SLC8A3: variants seen among roughly 807,000 people sequenced by gnomAD.
SLC8A3 encodes solute carrier family 8 member A3, also known as sodium/calcium exchanger 3.
SLC8A3 carries 37 observed loss-of-function variants against 65.4 expected under a neutral mutation model. The observed-to-expected ratio is 0.57, with a 90% CI of 0.44 to 0.74. The LOEUF (loss-of-function observed/expected upper bound fraction) is 0.74. SLC8A3 is among the 30% of genes least tolerant of loss of function. The probability of loss-of-function intolerance (pLI) is 0.00; values close to 1 mark genes in which losing one functional copy is unlikely to be tolerated. For synonymous variants in SLC8A3, 461 were observed against 444.5 expected (o/e 1.04, Z -0.47); for missense variants, 1,112 against 1,172.1 (o/e 0.95, Z 0.75).
At chr14:70,154,371 G>T (rs529897223) in intron 2 of SLC8A3, among the ~76,000 whole-genome samples, 2 of 152,314 alleles carry the variant, frequency 1.3e-5, no homozygotes, top group Admixed American at 1.3e-4. Context: ...AAGATTAAAA[G>T]TTGTCTTTCC....
At chr14:70,158,480 ATATTTGGAATATTAAGTTAC>A (rs1896706400) in intron 2 of SLC8A3, among the ~76,000 whole-genome samples, 1 of 152,198 alleles carries the variant, frequency 6.6e-6, no homozygotes, top group Non-Finnish European at 1.5e-5. Context: ...TTTTGCAGCC[ATATTTGGAATATTAAGTTAC>A]TATTTGGATG....
chr14:70,070,532 G>A (rs951201125), intron 2 of SLC8A3, among the ~76,000 whole-genome samples: 1 of 152,182 alleles, frequency 6.6e-6, no homozygotes, highest in African/African-American at 2.4e-5. Flanking sequence ...GGATCCAGAG[G>A]AGAGATGTCT....
intron 1 of SLC8A3, among the ~76,000 whole-genome samples, chr14:70,171,610 G>C (rs1897541774): frequency 6.6e-6 from 1 of 152,160 alleles, no homozygotes; most frequent in Non-Finnish European, 1.5e-5. Context: ...AGGCCAGCCT[G>C]ACCAACATGG....
At chr14:70,103,034 T>TA (rs1013911770) in intron 2 of SLC8A3, among the ~76,000 whole-genome samples, 1 of 151,918 alleles carries the variant, frequency 6.6e-6, no homozygotes, top group Admixed American at 6.6e-5. Context: ...TAACCACAGA[T>TA]AAAGAGAAAA....
At chr14:70,060,496 C>T (rs1476823897) in intron 3 of SLC8A3, among the ~76,000 whole-genome samples, 1 of 151,954 alleles carries the variant, frequency 6.6e-6, no homozygotes, top group Non-Finnish European at 1.5e-5. Context: ...AGTGCAGGGG[C>T]CCATGGCAAT....
At chr14:70,123,447 G>A (rs1894217841) in intron 2 of SLC8A3, among the ~76,000 whole-genome samples, 1 of 135,426 alleles carries the variant, frequency 7.4e-6, no homozygotes. Flanking sequence ...TTATTTTCCT[G>A]TCTATTTTTT....
chr14:70,095,618 A>C (rs1399046314), intron 2 of SLC8A3, among the ~76,000 whole-genome samples: 1 of 152,188 alleles, frequency 6.6e-6, no homozygotes, highest in Non-Finnish European at 1.5e-5. Flanking sequence ...TGGAATGTGG[A>C]GTTTTAAGGA....
At chr14:70,114,198 C>T (rs1287287532) in intron 2 of SLC8A3, among the ~76,000 whole-genome samples, 1 of 152,132 alleles carries the variant, frequency 6.6e-6, no homozygotes, top group Non-Finnish European at 1.5e-5. Flanking sequence ...CCTCTGCGGA[C>T]CACCTGACAT....
intron 2 of SLC8A3, among the ~76,000 whole-genome samples, chr14:70,120,620 C>G (rs904914545): frequency 1.3e-5 from 2 of 152,148 alleles, no homozygotes; most frequent in African/African-American, 4.8e-5. Flanking sequence ...GGAAGTGTAG[C>G]AGCCAGGGGG....
At chr14:70,088,865 G>C (rs1432105858) in intron 2 of SLC8A3, among the ~76,000 whole-genome samples, 1 of 152,140 alleles carries the variant, frequency 6.6e-6, no homozygotes, top group African/African-American at 2.4e-5. Flanking sequence ...TCAGGAACCA[G>C]ATCCTGTTCT....
intron 2 of SLC8A3, among the ~76,000 whole-genome samples, chr14:70,146,239 C>A (rs1003789690): frequency 6.6e-6 from 1 of 152,116 alleles, no homozygotes; most frequent in Non-Finnish European, 1.5e-5. Flanking sequence ...TGTGTAATGT[C>A]GACAATGCCA....
Position 70,180,956 on chromosome 14 carries a change from G to C in SLC8A3, c.-63+7423C>G, listed in dbSNP as rs1882699812. 2.0e-5 allele frequency among the ~76,000 whole-genome samples: 3 copies of C among 152,324 alleles called. No homozygotes were observed. The South Asian group carries it at 6.2e-4, about 32-fold the overall frequency. On this transcript the variant is annotated intron_variant, in intron 1 of 6. Coordinates refer to ENST00000356921, the MANE Select transcript of SLC8A3 (RefSeq NM_182932.3). The stretch of plus-strand genomic sequence containing the variant: ...ACTCAATGTGATAACAGATACACTA[G>C]AGGCTTCAAGTTACAGCTGGAAGGT...
chr14:70,053,688 C>T (rs956748744), intron 3 of SLC8A3, among the ~76,000 whole-genome samples: 10 of 152,372 alleles, frequency 6.6e-5, no homozygotes, highest in Admixed American at 2.0e-4. Flanking sequence ...GATCTACTTA[C>T]TGACCTGTCC....
intron 2 of SLC8A3, among the ~76,000 whole-genome samples, chr14:70,084,785 G>T (rs546606522): frequency 6.6e-6 from 1 of 152,284 alleles, no homozygotes; most frequent in Admixed American, 6.5e-5. Context: ...TCAGAAAACT[G>T]GATTTCAGGG....
At chr14:70,174,682 T>TG in intron 1 of SLC8A3, among the ~76,000 whole-genome samples, 3 of 132,072 alleles carry the variant, frequency 2.3e-5, no homozygotes, top group East Asian at 2.0e-4. Context: ...TTTTTTTTTT[T>TG]TTTTTTTTGC....
chr14:70,066,590 C>A (rs1442283218), intron 2 of SLC8A3, among the ~76,000 whole-genome samples: 1 of 152,152 alleles, frequency 6.6e-6, no homozygotes, highest in Non-Finnish European at 1.5e-5. Context: ...GCGGGTGGAT[C>A]GCTTGAGGTC....
chr14:70,164,695 G>A (rs1214227851), intron 2 of SLC8A3, among the ~76,000 whole-genome samples: 1 of 152,144 alleles, frequency 6.6e-6, no homozygotes, highest in Non-Finnish European at 1.5e-5. Flanking sequence ...TCCGTGACAT[G>A]GGTAGAAAGG....
chr14:70,087,510 T>C (rs564592150), intron 2 of SLC8A3, among the ~76,000 whole-genome samples: 4 of 152,360 alleles, frequency 2.6e-5, no homozygotes, highest in South Asian at 4.1e-4. Context: ...CACTTTTTTT[T>C]CCTTAATGCT....
chr14:70,120,060 G>A (rs997229284), intron 2 of SLC8A3, among the ~76,000 whole-genome samples: 20 of 152,134 alleles, frequency 1.3e-4, no homozygotes, highest in Admixed American at 7.9e-4. Context: ...CCCCTCTATT[G>A]GTTGGATTAT....
Sources: gnomAD v4.1 joint callset for allele counts (sites outside exome capture counted in the v4.1 genomes callset) on GRCh38, gnomAD v4.1.1 for gene constraint, MANE v1.5 for transcripts, NCBI Gene and HGNC (gene_info 2026-07-23, HGNC 2026-07-21) for gene names.